Variants in CFDP1 observed in about 807,000 individuals in gnomAD.
The protein encoded by CFDP1 is chromatin remodeling protein CFDP1.
Under a neutral mutation model 40.1 loss-of-function variants are expected in CFDP1, and 31 were observed. The ratio of observed to expected loss-of-function variants is 0.77; its 90% CI spans 0.58 to 1.04. The LOEUF is 1.04. Among genes scored for constraint, CFDP1 ranks in the 50% least tolerant of loss-of-function variants. The pLI, the probability that CFDP1 is intolerant of heterozygous loss-of-function variation, is 0.00. For synonymous variants in CFDP1, 167 were observed against 120.0 expected, an observed-to-expected ratio of 1.39 and a Z score of -2.56; for missense variants, 423 against 343.4, an observed-to-expected ratio of 1.23 and a Z score of -1.83.
chr16:75,330,297 T>C (rs916128763), intron 5 of CFDP1, among the ~76,000 whole-genome samples: 1 of 152,178 alleles, frequency 6.6e-6, no homozygotes, highest in Admixed American at 6.6e-5. Context: ...TTTTCAAAAA[T>C]AATGATAAGC....
intron 5 of CFDP1, among the ~76,000 whole-genome samples, chr16:75,369,984 G>C (rs2078740114): frequency 6.6e-6 from 1 of 152,112 alleles, no homozygotes; most frequent in Non-Finnish European, 1.5e-5. Context: ...ATGTCGTCCA[G>C]GCTGGTCTCA....
At chr16:75,426,948 G>C (rs1346535879) in intron 1 of CFDP1, among the ~76,000 whole-genome samples, 1 of 151,338 alleles carries the variant, frequency 6.6e-6, no homozygotes, top group Non-Finnish European at 1.5e-5. Flanking sequence ...CCACCTACTT[G>C]GGAGGCTGAG....
chr16:75,305,352 T>C, intron 5 of CFDP1, 170 bp from the exon 6 acceptor site: 1 of 635,808 alleles, frequency 1.6e-6, no homozygotes, highest in Non-Finnish European at 2.7e-6. Context: ...GTAAGTAAAC[T>C]GGAATTCTAA....
intron 4 of CFDP1, among the ~76,000 whole-genome samples, chr16:75,411,428 T>A (rs149634973): frequency 1.3e-5 from 2 of 151,946 alleles, no homozygotes; most frequent in Non-Finnish European, 2.9e-5. Flanking sequence ...GAAAATAATA[T>A]TGAAACCAAA....
intron 1 of CFDP1, among the ~76,000 whole-genome samples, chr16:75,418,499 T>G (rs988767740): frequency 6.6e-6 from 1 of 151,678 alleles, no homozygotes; most frequent in Non-Finnish European, 1.5e-5. Flanking sequence ...TTAGTAGAGA[T>G]GGGGTTTCAC....
At chr16:75,395,799 G>C (rs2078991455) in intron 4 of CFDP1, among the ~76,000 whole-genome samples, 1 of 152,084 alleles carries the variant, frequency 6.6e-6, no homozygotes, top group Non-Finnish European at 1.5e-5. Flanking sequence ...GCAATAATTT[G>C]GGAATGGACG....
At chr16:75,369,906 GCAC>G (rs1395370032) in intron 5 of CFDP1, among the ~76,000 whole-genome samples, 12 of 151,392 alleles carry the variant, frequency 7.9e-5, no homozygotes, top group South Asian at 2.1e-4. Context: ...CTACAGGCCT[GCAC>G]CACCAAGCTC....
chr16:75,388,661 TGAG>T (rs916413063), intron 5 of CFDP1, among the ~76,000 whole-genome samples: 3 of 152,198 alleles, frequency 2.0e-5, no homozygotes, highest in Non-Finnish European at 2.9e-5. Context: ...ATTGGCCAAA[TGAG>T]GAGACTGGGA....
At chr16:75,318,939 C>A (rs1215305305) in intron 5 of CFDP1, among the ~76,000 whole-genome samples, 1 of 152,226 alleles carries the variant, frequency 6.6e-6, no homozygotes, top group African/African-American at 2.4e-5. Flanking sequence ...ACAAGTCATG[C>A]CTGCCCCTTT....
intron 5 of CFDP1, among the ~76,000 whole-genome samples, chr16:75,350,541 T>C (rs1317418730): frequency 2.6e-5 from 4 of 152,360 alleles, no homozygotes; most frequent in Admixed American, 2.6e-4. Context: ...ATTACAGACA[T>C]TTAATCAGAC....
At chr16:75,312,238 T>A (rs1174348593) in intron 5 of CFDP1, among the ~76,000 whole-genome samples, 3 of 152,106 alleles carry the variant, frequency 2.0e-5, no homozygotes, top group African/African-American at 7.2e-5. Flanking sequence ...CTAGTTTAAC[T>A]CCCATTCACT....
At chr16:75,355,371 T>C (rs2078638893) in intron 5 of CFDP1, among the ~76,000 whole-genome samples, 1 of 152,228 alleles carries the variant, frequency 6.6e-6, no homozygotes, top group Admixed American at 6.5e-5. Flanking sequence ...TTGAAGTCAA[T>C]CCTCTCAAAC....
At chr16:75,331,264 GCA>G (rs1298221411) in intron 5 of CFDP1, among the ~76,000 whole-genome samples, 3 of 152,260 alleles carry the variant, frequency 2.0e-5, no homozygotes, top group South Asian at 4.1e-4. Flanking sequence ...ACAGTGAAAT[GCA>G]CAGATTTTTT....
chr16:75,372,573 A>C (rs982113720), intron 5 of CFDP1: 2 of 152,236 alleles, frequency 1.3e-5, no homozygotes, highest in African/African-American at 2.4e-5. Flanking sequence ...TTCTTCCTGA[A>C]AGAATAAACA....
intron 5 of CFDP1, among the ~76,000 whole-genome samples, chr16:75,308,894 C>A (rs2078275549): frequency 6.6e-6 from 1 of 152,116 alleles, no homozygotes; most frequent in Non-Finnish European, 1.5e-5. Context: ...ACCATAATAC[C>A]CCTTTGCCTT....
At position 75,353,043 on chromosome 16, in the gene CFDP1, G is replaced by C. The variant is rs554284928; in HGVS notation, c.650+42047C>G. Among the ~76,000 whole-genome samples, 222 of 152,274 alleles carry C rather than the reference G, an allele frequency of 1.5e-3. 2 individuals carry two copies. The highest frequency in any genetic ancestry group is 5.4e-4 in the Non-Finnish European group (37 of 68,032). ...TGTAACCAGCAAAACCCATGAGTAT[G>C]TGGGCAACATCCTCAGTTTCTTCAG... On this transcript the variant is annotated intron_variant, in intron 5 of 6. Coordinates refer to ENST00000283882, the MANE Select transcript of CFDP1 (RefSeq NM_006324.3).
chr16:75,424,515 G>A (rs113560808), intron 1 of CFDP1, among the ~76,000 whole-genome samples: 1 of 152,164 alleles, frequency 6.6e-6, no homozygotes, highest in Non-Finnish European at 1.5e-5. Flanking sequence ...CAGCACTTTG[G>A]GAGGCTGAGG....
chr16:75,366,366 C>A (rs775695485), intron 5 of CFDP1, among the ~76,000 whole-genome samples: 18 of 152,196 alleles, frequency 1.2e-4, no homozygotes, highest in Admixed American at 1.0e-3. Context: ...CGAGGCCAGG[C>A]ACAGTGGCTC....
chr16:75,427,691 G>A (rs1283483545), intron 1 of CFDP1, among the ~76,000 whole-genome samples: 2 of 152,168 alleles, frequency 1.3e-5, no homozygotes. Flanking sequence ...GCAGCTTCTT[G>A]TAAAGTTAAA....
Sources: allele counts gnomAD v4.1 joint callset (sites outside exome capture counted in the v4.1 genomes callset), GRCh38; gene constraint gnomAD v4.1.1; transcripts MANE v1.5; gene names NCBI Gene and HGNC (gene_info 2026-07-23, HGNC 2026-07-21).